The following GRM4 variants were observed in gnomAD, a reference collection of about 807,000 sequenced individuals.
GRM4 encodes metabotropic glutamate receptor 4.
Under a neutral mutation model 81.7 loss-of-function variants are expected in GRM4, and 28 were observed. That is an observed-to-expected ratio of 0.34 (90% CI 0.25 to 0.47). The LOEUF (loss-of-function observed/expected upper bound fraction) is 0.47. Among genes scored for constraint, GRM4 ranks in the 20% least tolerant of loss-of-function variants. GRM4 has a pLI of 1.00. For missense variants in GRM4, 948 were observed against 1,290.0 expected, an observed-to-expected ratio of 0.73 and a Z score of 4.06; for synonymous variants, 488 against 528.8, an observed-to-expected ratio of 0.92 and a Z score of 1.06.
At position 34,123,813 on chromosome 6, in the gene GRM4, G is replaced by A. The variant is rs531907353; in HGVS notation, c.519+9165C>T. On this transcript the variant is annotated intron_variant, in intron 2 of 10. Transcript: ENST00000538487. The stretch of plus-strand genomic sequence containing the variant: ...GGCCAGCTGGCCCCAGGGTCCATGC[G>A]GCAGCCACCACATTACTGCCCCTCG... 1.8e-3 allele frequency among the ~76,000 whole-genome samples: 270 copies of A among 152,318 alleles called. 1 individual carries two copies. Among genetic ancestry groups the A allele is most frequent in the South Asian group, 6.8e-3 (33 of 4,828 alleles).
chr6:34,138,494 G>T (rs1391730797), intron 1 of GRM4, among the ~76,000 whole-genome samples: 2 of 152,222 alleles, frequency 1.3e-5, no homozygotes, highest in Admixed American at 1.3e-4. Context: ...TCCCAGAAGG[G>T]GGATGGCAGC....
At chr6:34,082,974 C>T (rs1767683525) in intron 3 of GRM4, among the ~76,000 whole-genome samples, 1 of 152,186 alleles carries the variant, frequency 6.6e-6, no homozygotes, top group South Asian at 2.1e-4. Context: ...AAAGGGGCTG[C>T]CACCAGCAAA....
intron 6 of GRM4, among the ~76,000 whole-genome samples, chr6:34,053,358 C>T (rs560434503): frequency 5.1e-4 from 78 of 152,304 alleles, no homozygotes; most frequent in African/African-American, 1.8e-3. Context: ...AGGGGCAGGA[C>T]CATGGGGAAA....
At chr6:34,044,523 T>C (rs1017385805) in intron 6 of GRM4, among the ~76,000 whole-genome samples, 3 of 142,168 alleles carry the variant, frequency 2.1e-5, no homozygotes, top group African/African-American at 5.5e-5. Context: ...CAGACATACA[T>C]ACATACACAT....
At chr6:34,155,400 C>G (rs899757394) in exon 1 of GRM4, 18 of 1,480,090 alleles carry the variant, frequency 1.2e-5, no homozygotes, top group Non-Finnish European at 1.6e-5. Context: ...TCCTCCCACT[C>G]TCAGCATCTC....
At position 34,059,442 on chromosome 6, in the gene GRM4, G is replaced by T; in HGVS notation, c.873-314C>A. 2.6e-6 allele frequency: 1 copy of T among 389,556 alleles called. No individual in the cohort carries two copies. The allele number at this position is 389,556 out of a possible 1,614,324, so 24.1% of individuals were successfully genotyped here. On this transcript the variant is annotated intron_variant, in intron 4 of 10. Transcript: ENST00000538487. The surrounding 1 kb of genome is among the most constrained non-coding windows in gnomAD (Gnocchi z 5.7). Reference sequence around the variant, plus strand: ...ACCTCTCCCCTCCAGATCCACACCCGCCCCACGTCTGACTCAGGCCCCACA... The same window carrying T: ...ACCTCTCCCCTCCAGATCCACACCCTCCCCACGTCTGACTCAGGCCCCACA...
At chr6:34,154,746 G>A (rs11759240) in intron 1 of GRM4, among the ~76,000 whole-genome samples, 56,480 of 152,076 alleles carry the variant, frequency 0.37, 13,054 homozygotes, top group Non-Finnish European at 0.5. Flanking sequence ...GCCCGCAGAA[G>A]GGAGTGCCAC....
intron 10 of GRM4, chr6:34,024,703 C>T (rs1433579671): frequency 4.4e-6 from 2 of 455,864 alleles, no homozygotes; most frequent in Non-Finnish European, 8.8e-6. Context: ...AGTCAGTGGC[C>T]TATGAGCTCC....
Position 34,121,153 on chromosome 6 carries a change from G to C in GRM4, c.519+11825C>G, listed in dbSNP as rs1031648677. ...TGCACACACTCCACTTCCTGCTGAA[G>C]TCTCCTCTCAGAACAGTCCTGACCC... On this transcript the variant is annotated intron_variant, in intron 2 of 10. Transcript: ENST00000538487. The surrounding 1 kb of genome is among the most constrained non-coding windows in gnomAD (Gnocchi z 4.6). Among the ~76,000 whole-genome samples the C allele has an allele frequency of 4.6e-5, 7 of 152,078 alleles. No individual in the cohort carries two copies. The highest frequency in any genetic ancestry group is 1.7e-4 in the African/African-American group (7 of 41,418).
chr6:34,138,701 T>C (rs1016354187), intron 1 of GRM4, among the ~76,000 whole-genome samples: 1 of 152,122 alleles, frequency 6.6e-6, no homozygotes, highest in Non-Finnish European at 1.5e-5. Context: ...ATGGGGAAGG[T>C]GGATGACCAG....
chr6:34,105,461 T>C (rs1005761194), intron 2 of GRM4, among the ~76,000 whole-genome samples: 1 of 152,166 alleles, frequency 6.6e-6, no homozygotes, highest in Non-Finnish European at 1.5e-5. Context: ...TTTGACCCGG[T>C]AGTCCCTTCC....
intron 6 of GRM4, among the ~76,000 whole-genome samples, chr6:34,044,033 C>T (rs1254769865): frequency 8.0e-5 from 12 of 150,658 alleles, no homozygotes; most frequent in Admixed American, 6.6e-4. Flanking sequence ...CACACACATA[C>T]ACACACACAC....
chr6:34,060,866 C>G (rs1766145160), intron 4 of GRM4: 1 of 152,376 alleles, frequency 6.6e-6, no homozygotes, highest in African/African-American at 2.4e-5. Flanking sequence ...CTTTCGCTGC[C>G]TGAGACAACC....
At chr6:34,101,995 G>A in intron 2 of GRM4, 1 of 1,534,986 alleles carries the variant, frequency 6.5e-7, no homozygotes, top group Non-Finnish European at 8.7e-7. Flanking sequence ...TAGTGGCCAG[G>A]TCAGGGCCTC....
At chr6:34,023,387 C>T (rs1380891951) in intron 10 of GRM4, among the ~76,000 whole-genome samples, 1 of 152,204 alleles carries the variant, frequency 6.6e-6, no homozygotes, top group Non-Finnish European at 1.5e-5. Context: ...ATACATTAAA[C>T]TAGAACAGTG....
At chr6:34,044,601 TAGAC>T (rs1469864560) in intron 6 of GRM4, among the ~76,000 whole-genome samples, 38 of 128,346 alleles carry the variant, frequency 3.0e-4, no homozygotes, top group Admixed American at 1.1e-3. Flanking sequence ...GACACACACA[TAGAC>T]ATACATACAT....
chr6:34,130,924 G>A lies in GRM4; in HGVS notation c.519+2054C>T, dbSNP rs1304993753. Among the ~76,000 whole-genome samples, 1 of 152,218 alleles carries A rather than the reference G, an allele frequency of 6.6e-6. No homozygotes were observed. Among genetic ancestry groups the A allele is most frequent in the Non-Finnish European group, 1.5e-5 (1 of 68,030 alleles). ...CCTCCCTTGTGGGGTGGCCTTCCTG[G>A]AGGCTGGGGATCTGTGCCCCACCCT... On this transcript the variant is annotated intron_variant, in intron 2 of 10. Transcript: ENST00000538487. This position sits in a 1 kb window ranked among gnomAD's most constrained non-coding sequence, Gnocchi z 4.1.
Position 34,073,418 on chromosome 6 carries a change from C to CCACACA in GRM4, c.737-11396_737-11391dup, listed in dbSNP as rs540796389. ...AGATACACACACAGTCACATACACA[C>CCACACA]CACACACACACACACACCATCATAC... On this transcript the variant is annotated intron_variant, in intron 3 of 10. Coordinates refer to ENST00000538487, the MANE Select transcript of GRM4 (RefSeq NM_000841.4). Among the ~76,000 whole-genome samples, 22 of 146,504 alleles carry CCACACA rather than the reference C, an allele frequency of 1.5e-4. No individual in the cohort carries two copies. In the South Asian group the frequency reaches 3.5e-3, roughly 24 times the overall value.
At chr6:34,149,876 T>A (rs115885399), upstream of GRM4, among the ~76,000 whole-genome samples, 186 of 152,284 alleles carry the variant, frequency 1.2e-3, 1 homozygote, top group African/African-American at 4.0e-3. Context: ...TTGTCCATAG[T>A]TTTCGGCAAC....
Sources: gnomAD v4.1 joint callset for allele counts (sites outside exome capture counted in the v4.1 genomes callset) on GRCh38, gnomAD v4.1.1 for gene constraint, Gnocchi (gnomAD v3.1) non-coding constraint, MANE v1.5 for transcripts, NCBI Gene and HGNC (gene_info 2026-07-23, HGNC 2026-07-21) for gene names.